TENM1: variants seen among roughly 807,000 people sequenced by gnomAD.
The protein encoded by TENM1 is teneurin transmembrane protein 1, also known as teneurin-1.
In TENM1, 35 loss-of-function variants were observed where a neutral mutation model predicts 174.8. The ratio of observed to expected loss-of-function variants is 0.20; its 90% confidence interval spans 0.15 to 0.27. The LOEUF is 0.27. Ranked by LOEUF, TENM1 falls within the 10% of genes least tolerant of loss-of-function variation. The probability of loss-of-function intolerance (pLI) is 1.00; values close to 1 mark genes in which losing one functional copy is unlikely to be tolerated. For synonymous variants in TENM1, 781 were observed against 798.7 expected, an observed-to-expected ratio of 0.98 and a Z score of 0.37; for missense variants, 1,633 against 2,130.1, an observed-to-expected ratio of 0.77 and a Z score of 4.59.
At chrX:124,612,189 A>C (rs1046793685) in intron 11 of TENM1, among the ~76,000 whole-genome samples, 5 of 111,310 alleles carry the variant, frequency 4.5e-5, no homozygotes, top group Non-Finnish European at 7.5e-5. Flanking sequence ...TATGGTTAGA[A>C]CAATGATTTC....
the TENM1 span, among the ~76,000 whole-genome samples, chrX:125,051,851 A>C: frequency 1.9e-5 from 2 of 104,879 alleles, no homozygotes; most frequent in Non-Finnish European, 3.9e-5. Flanking sequence ...AATGGGATCT[A>C]ATTAAACTAA....
the TENM1 span, among the ~76,000 whole-genome samples, chrX:125,151,881 G>T: frequency 8.9e-6 from 1 of 111,913 alleles, no homozygotes. Flanking sequence ...GTGTCTATGT[G>T]GGGAAACCTT....
intron 23 of TENM1, among the ~76,000 whole-genome samples, chrX:124,451,690 C>T (rs2061038171): frequency 9.0e-6 from 1 of 111,634 alleles, no homozygotes; most frequent in Admixed American, 9.5e-5. Context: ...ACCAATGGAA[C>T]AGAACAGAGC....
the TENM1 span, among the ~76,000 whole-genome samples, chrX:124,973,327 T>C: frequency 3.6e-5 from 4 of 111,880 alleles, no homozygotes; most frequent in African/African-American, 6.5e-5. Flanking sequence ...TAGTTTGAAG[T>C]CAGGTAGCAT....
At chrX:125,070,480 T>G in the TENM1 span, among the ~76,000 whole-genome samples, 1 of 111,592 alleles carries the variant, frequency 9.0e-6, no homozygotes, top group Non-Finnish European at 1.9e-5. Context: ...GTAGGCTGTT[T>G]ACTCCAACAG....
intron 29 of TENM1, 62 bp from the exon 33 acceptor site, chrX:124,384,916 G>A (rs2060201390): frequency 1.9e-6 from 2 of 1,041,329 alleles, no homozygotes; most frequent in Admixed American, 3.0e-5. Context: ...AGTCAGAAAG[G>A]TCTAGTGTTA....
the TENM1 span, among the ~76,000 whole-genome samples, chrX:125,030,965 T>C: frequency 9.0e-6 from 1 of 111,511 alleles, no homozygotes; most frequent in Non-Finnish European, 1.9e-5. Flanking sequence ...TTTTTTTCTT[T>C]TTCTACTTTT....
chrX:125,103,579 T>C, the TENM1 span, among the ~76,000 whole-genome samples: 23 of 112,214 alleles, frequency 2.0e-4, no homozygotes, highest in Non-Finnish European at 4.1e-4. Flanking sequence ...GGGGTTGCTC[T>C]ACTAAACCTA....
chrX:124,765,236 T>C (rs2054514240), intron 3 of TENM1, among the ~76,000 whole-genome samples: 1 of 111,905 alleles, frequency 8.9e-6, no homozygotes. Context: ...TTCTAGAGCT[T>C]GGTTCATTTT....
At chrX:124,508,355 C>G (rs149549631) in intron 18 of TENM1, among the ~76,000 whole-genome samples, 4,765 of 112,138 alleles carry the variant, frequency 0.042, 94 homozygotes, top group East Asian at 0.19. Flanking sequence ...CTTTTTGACA[C>G]TTACGGACAA....
chrX:124,504,511 T>C (rs2047402288), intron 18 of TENM1, among the ~76,000 whole-genome samples: 1 of 111,315 alleles, frequency 9.0e-6, no homozygotes, highest in African/African-American at 3.3e-5. Flanking sequence ...CTTGGAAACC[T>C]GCTCACCTGT....
the TENM1 span, among the ~76,000 whole-genome samples, chrX:124,981,659 C>T: frequency 9.0e-5 from 10 of 111,264 alleles, no homozygotes; most frequent in African/African-American, 3.3e-4. Context: ...CTTAATGGAA[C>T]ACTGAATGCA....
chrX:124,487,012 T>A (rs781025055), intron 21 of TENM1, among the ~76,000 whole-genome samples, 197 bp downstream of exon 24: 2 of 112,309 alleles, frequency 1.8e-5, no homozygotes, highest in African/African-American at 3.2e-5. Flanking sequence ...TTAGTATGTT[T>A]TGATCCTCCA....
intron 4 of TENM1, among the ~76,000 whole-genome samples, chrX:124,735,484 G>T (rs1463259227): frequency 2.7e-5 from 3 of 112,305 alleles, no homozygotes. Context: ...AAAAGGCAAT[G>T]CTTATACACT....
chrX:124,756,452 G>A lies in TENM1; in HGVS notation c.536-19255C>T, dbSNP rs759964737. Among the ~76,000 whole-genome samples, 283 of 102,403 alleles carry A rather than the reference G, an allele frequency of 2.8e-3. 1 individual carries two copies. The highest frequency in any genetic ancestry group is 6.2e-3 in the African/African-American group (155 of 25,093). 88.9% of individuals were successfully genotyped at this position (102,403 alleles called of 115,157 possible). A position where few individuals can be genotyped will look rare whatever the true frequency, so the allele number is the denominator to read the frequency against. ...TGGTTTGAATTTCCTCCTGTAGCTC[G>A]GAGTAGTTTGATCGTCTGAAGCCTT... On this transcript the variant is annotated intron_variant, in intron 3 of 31. Transcript: ENST00000422452.
chrX:124,654,379 T>C (rs2051384865), intron 6 of TENM1, among the ~76,000 whole-genome samples: 1 of 112,669 alleles, frequency 8.9e-6, no homozygotes, highest in Admixed American at 9.4e-5. Flanking sequence ...GGCTGTTTTA[T>C]TCGTCGGTAT....
chrX:124,689,132 T>C (rs1385522558), intron 5 of TENM1, among the ~76,000 whole-genome samples: 1 of 111,920 alleles, frequency 8.9e-6, no homozygotes, highest in Non-Finnish European at 1.9e-5. Context: ...TTATAAATGA[T>C]GATGTCAAAA....
intron 3 of TENM1, among the ~76,000 whole-genome samples, chrX:124,867,963 T>C (rs1041283042): frequency 9.0e-6 from 1 of 111,113 alleles, no homozygotes; most frequent in African/African-American, 3.3e-5. Flanking sequence ...TATAAAACAC[T>C]GATGAAAGAA....
intron 15 of TENM1, 33 bp downstream of exon 18, chrX:124,546,841 G>A (rs1366634721): frequency 1.8e-6 from 2 of 1,083,967 alleles, no homozygotes; most frequent in Non-Finnish European, 2.6e-6. Context: ...CATGACCATT[G>A]TTCACTAAGG....
Sources: allele counts gnomAD v4.1 joint callset (sites outside exome capture counted in the v4.1 genomes callset), GRCh38; gene constraint gnomAD v4.1.1; transcripts MANE v1.5; gene names NCBI Gene and HGNC (gene_info 2026-07-23, HGNC 2026-07-21).